Variants in HEBP1 observed in about 807,000 individuals in gnomAD.
HEBP1 encodes heme-binding protein 1.
Under a neutral mutation model 20.4 loss-of-function variants are expected in HEBP1, and 13 were observed. That is an observed-to-expected ratio of 0.64 (90% CI 0.42 to 1.01). The LOEUF (loss-of-function observed/expected upper bound fraction) is 1.01. Ranked by LOEUF, HEBP1 falls within the 50% of genes least tolerant of loss-of-function variation. The probability of loss-of-function intolerance (pLI) is 0.00; values close to 1 mark genes in which losing one functional copy is unlikely to be tolerated. For synonymous variants in HEBP1, 92 were observed against 90.7 expected, an observed-to-expected ratio of 1.01 and a Z score of -0.08; for missense variants, 241 against 247.3, an observed-to-expected ratio of 0.97 and a Z score of 0.17.
At chr12:12,990,766 G>A (rs1375466312) in intron 1 of HEBP1, among the ~76,000 whole-genome samples, 1 of 152,100 alleles carries the variant, frequency 6.6e-6, no homozygotes, top group Non-Finnish European at 1.5e-5. Context: ...CTGGCTCCAA[G>A]AGTCTGAACC....
rs1864287938 is a variant in HEBP1 at position 12,996,233 on chromosome 12, C to T, written c.78+3804G>A. ...GGGAACAAGAGGTTAAGTAACATGC[C>T]CAAACTGCAGCGGGTGAATAGTGGA... On this transcript the variant is annotated intron_variant, in intron 1 of 3. Coordinates refer to ENST00000014930, the MANE Select transcript of HEBP1 (RefSeq NM_015987.5). The surrounding 1 kb of genome is among the most constrained non-coding windows in gnomAD (Gnocchi z 4.1). 6.6e-6 allele frequency among the ~76,000 whole-genome samples: 1 copy of T among 152,122 alleles called. No homozygotes were observed. The highest frequency in any genetic ancestry group is 2.4e-5 in the African/African-American group (1 of 41,410).
At position 12,986,926 on chromosome 12, in the gene HEBP1, C is replaced by A; in HGVS notation, c.398+226G>T. Reference sequence around the variant, plus strand: ...AAGCTTAAGCAAAGCTTAAGCTCGTCCCATCAATTTGGCAACTGGCCAAGG... The same window carrying A: ...AAGCTTAAGCAAAGCTTAAGCTCGTACCATCAATTTGGCAACTGGCCAAGG... On this transcript the variant is annotated intron_variant, in intron 3 of 3. Coordinates refer to ENST00000014930, the MANE Select transcript of HEBP1 (RefSeq NM_015987.5). The surrounding 1 kb of genome is among the most constrained non-coding windows in gnomAD (Gnocchi z 4.3). 1.9e-6 allele frequency: 1 copy of A among 514,522 alleles called. No homozygotes were observed. Among genetic ancestry groups the A allele is most frequent in the Non-Finnish European group, 3.5e-6 (1 of 288,770 alleles). 31.9% of individuals were successfully genotyped at this position (514,522 alleles called of 1,614,324 possible). A position where few individuals can be genotyped will look rare whatever the true frequency, so the allele number is the denominator to read the frequency against.
intron 1 of HEBP1, among the ~76,000 whole-genome samples, chr12:12,990,830 C>T (rs954795904): frequency 2.6e-5 from 4 of 152,108 alleles, no homozygotes; most frequent in African/African-American, 7.2e-5. Flanking sequence ...AAGATCAGTG[C>T]GTGAGATATT....
intron 1 of HEBP1, among the ~76,000 whole-genome samples, chr12:12,993,573 G>A (rs1370098408): frequency 1.3e-5 from 2 of 149,102 alleles, no homozygotes; most frequent in Admixed American, 6.8e-5. Context: ...TTTAGCCACT[G>A]TGTTAGATAC....
At chr12:12,993,364 C>T (rs760992853) in intron 1 of HEBP1, among the ~76,000 whole-genome samples, 2 of 151,836 alleles carry the variant, frequency 1.3e-5, no homozygotes, top group African/African-American at 2.4e-5. Context: ...TTTGTTTTCT[C>T]TGTCTTCTTT....
chr12:12,989,290 G>GC lies in HEBP1; in HGVS notation c.203dup (p.Thr69HisfsTer3). 1 of 1,614,000 alleles carries GC rather than the reference G, an allele frequency of 6.2e-7. No homozygotes were observed. The highest frequency in any genetic ancestry group is 8.5e-7 in the Non-Finnish European group (1 of 1,179,978). ...AGGGGTACTCACCCTTGTCATTGGT[G>GC]CCCCCCGCATACTTTGCGACCTTGG... On this transcript the variant is annotated frameshift_variant, in exon 2 of 4. Transcript: ENST00000014930. LOFTEE classifies it high-confidence loss of function.
chr12:12,995,577 A>G (rs923647800), intron 1 of HEBP1, among the ~76,000 whole-genome samples: 24 of 152,320 alleles, frequency 1.6e-4, no homozygotes, highest in African/African-American at 5.1e-4. Flanking sequence ...ACTTGTTTTC[A>G]TAGCATCTGT....
rs766752471 is a variant in HEBP1 at position 13,000,127 on chromosome 12, A to G, written c.-13T>C. 2.5e-5 allele frequency: 40 copies of G among 1,592,514 alleles called. 1 individual carries two copies. In the South Asian group the frequency reaches 4.4e-4, roughly 18 times the overall value. ...TCATGCCCAACATGTTGTAGCCGAG[A>G]CGCTCCCGACGCACGGGAGGACGTG... On this transcript the variant is annotated 5_prime_UTR_variant, in exon 1 of 4. Coordinates refer to ENST00000014930, the MANE Select transcript of HEBP1 (RefSeq NM_015987.5).
intron 2 of HEBP1, among the ~76,000 whole-genome samples, chr12:12,987,590 T>TCTCTCTCTCTC (rs1592403807): frequency 3.0e-5 from 4 of 133,212 alleles, no homozygotes; most frequent in African/African-American, 8.7e-5. Context: ...ATCAGTCTCT[T>TCTCTCTCTCTC]TCTCTCTCTC....
Position 12,996,429 on chromosome 12 carries a change from G to A in HEBP1, c.78+3608C>T, listed in dbSNP as rs574496167. ...CCTCCCTCCCTGAGCAATTAAGAAG[G>A]CACCTGATAAGGTCTGCGGCAGCAC... On this transcript the variant is annotated intron_variant, in intron 1 of 3. Coordinates refer to ENST00000014930, the MANE Select transcript of HEBP1 (RefSeq NM_015987.5). The surrounding 1 kb of genome is among the most constrained non-coding windows in gnomAD (Gnocchi z 4.1). 2.0e-5 allele frequency among the ~76,000 whole-genome samples: 3 copies of A among 152,306 alleles called. No individual in the cohort carries two copies. The highest frequency in any genetic ancestry group is 3.9e-4 in the East Asian group (2 of 5,184).
chr12:12,989,063 C>A (rs145658566), intron 2 of HEBP1, among the ~76,000 whole-genome samples: 3 of 152,332 alleles, frequency 2.0e-5, no homozygotes, highest in Non-Finnish European at 2.9e-5. Context: ...AGCAGGGATG[C>A]CTTCAAGTGA....
Position 12,989,349 on chromosome 12 carries a change from T to C in HEBP1, c.145A>G (p.Lys49Glu), listed in dbSNP as rs1297602763. Residue 49 changes from lysine to glutamate, a missense_variant, in exon 2 of 4, where the codon AAG becomes GAG. Transcript: ENST00000014930. ...TCCCGTAGAGCCTCATCCACAGGCT[T>C]ATCTGTCACTTCTACTGTGGCAAAT... Reference protein sequence around the residue: ...GKFATVEVTDKPVDEALREAM... With the variant: ...GKFATVEVTDEPVDEALREAM... 3 of 1,614,174 alleles carry C rather than the reference T, an allele frequency of 1.9e-6. No individual in the cohort carries two copies. Among genetic ancestry groups the C allele is most frequent in the Admixed American group, 1.7e-5 (1 of 60,030 alleles).
chr12:12,987,327 C>T lies in HEBP1; in HGVS notation c.223G>A (p.Gly75Arg). The change falls in exon 3 of 4, where the codon GGG (glycine) becomes AGG (arginine). Residue 75 changes from glycine to arginine, a missense_variant. Coordinates refer to ENST00000014930, the MANE Select transcript of HEBP1 (RefSeq NM_015987.5). Reference protein sequence around the residue: ...YAGGTNDKGIGMGMTVPISFA... With the variant: ...YAGGTNDKGIRMGMTVPISFA... ...GAAATAGGGACTGTCATCCCCATCC[C>T]AATTCCTGAAAACACAAAAGCACAG... 6.2e-7 allele frequency: 1 copy of T among 1,612,314 alleles called. No individual in the cohort carries two copies. Among genetic ancestry groups the T allele is most frequent in the Admixed American group, 1.7e-5 (1 of 59,832 alleles).
At chr12:12,991,704 A>G (rs117528642) in intron 1 of HEBP1, among the ~76,000 whole-genome samples, 1 of 152,372 alleles carries the variant, frequency 6.6e-6, no homozygotes, top group East Asian at 1.9e-4. Flanking sequence ...TATCATGAAT[A>G]TACACATAGT....
Position 12,987,424 on chromosome 12 carries a change from A to AGTG in HEBP1, c.218-95_218-93dup, listed in dbSNP as rs1224583432. The AGTG allele has an allele frequency of 3.0e-6, 3 of 988,544 alleles. No individual in the cohort carries two copies. The African/African-American group carries it at 4.9e-5, about 16-fold the overall frequency. The allele number at this position is 988,544 out of a possible 1,614,324, so 61.2% of individuals were successfully genotyped here. A position where few individuals can be genotyped will look rare whatever the true frequency, so the allele number is the denominator to read the frequency against. On this transcript the variant is annotated intron_variant, in intron 2 of 3. Transcript: ENST00000014930. ...CACATTAGTTCCATTCGTCTTTCAA[A>AGTG]GTGGTATGTTTTTGTTCTTGAAATT... is the stretch of plus-strand genomic sequence containing the variant.
At chr12:12,978,205 T>G (rs1346296511) in intron 3 of HEBP1, among the ~76,000 whole-genome samples, 3 of 133,064 alleles carry the variant, frequency 2.3e-5, no homozygotes, top group East Asian at 2.1e-4. Flanking sequence ...AAGGGTTTTT[T>G]TTTTTTTTTT....
chr12:12,996,131 G>A lies in HEBP1; in HGVS notation c.78+3906C>T, dbSNP rs1432630187. Among the ~76,000 whole-genome samples the A allele has an allele frequency of 2.6e-5, 4 of 152,182 alleles. No individual in the cohort carries two copies. Among genetic ancestry groups the A allele is most frequent in the African/African-American group, 7.2e-5 (3 of 41,428 alleles). ...TCTGGTGTTATTTTAAATGCTTTAC[G>A]TGGATTCATTCATTCAATTTCTCCA... is the stretch of plus-strand genomic sequence containing the variant. On this transcript the variant is annotated intron_variant, in intron 1 of 3. Transcript: ENST00000014930. The surrounding 1 kb of genome is among the most constrained non-coding windows in gnomAD (Gnocchi z 4.1).
chr12:12,976,077 C>CAAAAAAAAA (rs56110606), intron 3 of HEBP1, among the ~76,000 whole-genome samples: 102 of 85,798 alleles, frequency 1.2e-3, no homozygotes, highest in Non-Finnish European at 1.7e-3. Flanking sequence ...GACCCTGTGT[C>CAAAAAAAAA]AAAAAAAAAA....
chr12:12,993,486 C>CCT lies in HEBP1; in HGVS notation c.79-4073_79-4072dup, dbSNP rs113869518. 3.6e-3 allele frequency among the ~76,000 whole-genome samples: 486 copies of CCT among 134,876 alleles called. 1 individual carries two copies. The highest frequency in any genetic ancestry group is 9.7e-3 in the African/African-American group (330 of 34,086). The allele number at this position is 134,876 out of a possible 152,430, so 88.5% of individuals were successfully genotyped here. On this transcript the variant is annotated intron_variant, in intron 1 of 3. Coordinates refer to ENST00000014930, the MANE Select transcript of HEBP1 (RefSeq NM_015987.5). ...TCTTTGCTTTTTTTTTTTTTCTTTT[C>CCT]CTCTCTCTCTCTCTCTCTCTCTCTC...
Sources: allele counts gnomAD v4.1 joint callset (sites outside exome capture counted in the v4.1 genomes callset), GRCh38; gene constraint gnomAD v4.1.1; non-coding constraint Gnocchi (gnomAD v3.1); transcripts MANE v1.5; gene names NCBI Gene and HGNC (gene_info 2026-07-23, HGNC 2026-07-21).